ZNF157: variants seen among roughly 807,000 people sequenced by gnomAD.
The protein encoded by ZNF157 is zinc finger protein 22.
ZNF157 carries 8 observed loss-of-function variants against 9.4 expected under a neutral mutation model. The ratio of observed to expected loss-of-function variants is 0.85; its 90% confidence interval spans 0.50 to 1.53. The LOEUF (loss-of-function observed/expected upper bound fraction) is 1.53. Ranked by LOEUF, ZNF157 falls within the 40% of genes most tolerant of loss-of-function variation. The pLI is 0.00. For synonymous variants in ZNF157, 120 were observed against 130.8 expected, an observed-to-expected ratio of 0.92 and a Z score of 0.56; for missense variants, 316 against 385.2, an observed-to-expected ratio of 0.82 and a Z score of 1.50.
At chrX:47,384,945 C>T (rs2055875136) in intron 1 of ZNF157, among the ~76,000 whole-genome samples, 2 of 111,523 alleles carry the variant, frequency 1.8e-5, no homozygotes, top group African/African-American at 6.5e-5. Context: ...GCGGAATTAG[C>T]GGTTTTCACA....
chrX:47,397,171 T>G (rs1414447558), intron 1 of ZNF157, among the ~76,000 whole-genome samples: 1 of 109,834 alleles, frequency 9.1e-6, no homozygotes, highest in Non-Finnish European at 1.9e-5. Context: ...CTTTAAGGGG[T>G]CTTCTGTGTT....
intron 1 of ZNF157, among the ~76,000 whole-genome samples, chrX:47,381,888 G>T (rs1472296973): frequency 8.9e-6 from 1 of 111,831 alleles, no homozygotes; most frequent in African/African-American, 3.3e-5. Context: ...TCAGCGGAAA[G>T]AGTCAAATTC....
intron 1 of ZNF157, among the ~76,000 whole-genome samples, chrX:47,404,455 G>A (rs1219140016): frequency 9.1e-6 from 1 of 110,234 alleles, no homozygotes; most frequent in East Asian, 2.9e-4. Flanking sequence ...TTGAGCCACC[G>A]CACCTGGCAG....
At chrX:47,399,335 C>T (rs1161044434) in intron 1 of ZNF157, among the ~76,000 whole-genome samples, 2 of 111,533 alleles carry the variant, frequency 1.8e-5, no homozygotes, top group Non-Finnish European at 3.8e-5. Context: ...CAATCTATCT[C>T]ATTAGGCCCA....
intron 1 of ZNF157, among the ~76,000 whole-genome samples, chrX:47,382,907 C>T (rs1189367565): frequency 2.7e-5 from 3 of 110,720 alleles, no homozygotes; most frequent in Non-Finnish European, 5.7e-5. Flanking sequence ...TGTAAACTTA[C>T]AGCTGCAAAA....
At chrX:47,382,444 C>T (rs1273607992) in intron 1 of ZNF157, among the ~76,000 whole-genome samples, 1 of 106,847 alleles carries the variant, frequency 9.4e-6, no homozygotes, top group East Asian at 2.9e-4. Context: ...TTGTCTCGGA[C>T]TCCTGACCTC....
chrX:47,374,899 T>C lies in ZNF157; in HGVS notation c.72+4159T>C, dbSNP rs1174228569. 3.2e-5 allele frequency among the ~76,000 whole-genome samples: 3 copies of C among 92,334 alleles called. No homozygotes were observed. In the Admixed American group the frequency reaches 3.7e-4, roughly 11 times the overall value. The allele number at this position is 92,334 out of a possible 115,157, so 80.2% of individuals were successfully genotyped here. On this transcript the variant is annotated intron_variant, in intron 1 of 3. Coordinates refer to ENST00000377073, the MANE Select transcript of ZNF157 (RefSeq NM_003446.4). ...AATTTTTTTGTATTTTTAGTAGACATGGGGTTTCACCATGTTGGCCAGGTT... is the reference window on the plus strand; with the variant it reads ...AATTTTTTTGTATTTTTAGTAGACACGGGGTTTCACCATGTTGGCCAGGTT...
chrX:47,411,075 A>G (rs1483877847), intron 3 of ZNF157, among the ~76,000 whole-genome samples: 2 of 106,443 alleles, frequency 1.9e-5, no homozygotes, highest in Non-Finnish European at 1.9e-5. Context: ...CACAACCTCC[A>G]CCTCCCGGGC....
chrX:47,395,801 C>CA (rs2055911379), intron 1 of ZNF157, among the ~76,000 whole-genome samples: 1 of 110,168 alleles, frequency 9.1e-6, no homozygotes, highest in Non-Finnish European at 1.9e-5. Context: ...CCCATCTCTA[C>CA]AAAAAATGCA....
intron 1 of ZNF157, chrX:47,389,828 A>G (rs776728661): frequency 9.0e-6 from 1 of 111,417 alleles, no homozygotes; most frequent in Non-Finnish European, 1.9e-5. Flanking sequence ...TTGAGTCCAG[A>G]AGGTTGGGGC....
At chrX:47,388,509 G>A (rs140428205) in intron 1 of ZNF157, 2,155 of 110,175 alleles carry the variant, frequency 0.02, 43 homozygotes, top group Non-Finnish European at 0.033. Context: ...TAGAGACAGA[G>A]TCTCATTATG....
chrX:47,377,659 T>A (rs1352300968), intron 1 of ZNF157, among the ~76,000 whole-genome samples: 2 of 107,078 alleles, frequency 1.9e-5, no homozygotes, highest in Admixed American at 1.0e-4. Context: ...CTTGAACTCC[T>A]GGCCTCAAAT....
At position 47,413,647 on chromosome X, in the gene ZNF157, C is replaced by G. The variant is rs199636878; in HGVS notation, c.*53C>G. ...CCTTGGGGGCATATGATCACCAGGG[C>G]ACACAGTGTGCCTGTGAAAATTTGG... On this transcript the variant is annotated 3_prime_UTR_variant, in exon 4 of 4. Transcript: ENST00000377073. 2.8e-4 allele frequency: 315 copies of G among 1,143,589 alleles called. 4 individuals are homozygous for G. In the South Asian group the frequency reaches 5.5e-3, roughly 20 times the overall value. The allele number at this position is 1,143,589 out of a possible 1,213,427, so 94.2% of individuals were successfully genotyped here. A position where few individuals can be genotyped will look rare whatever the true frequency, so the allele number is the denominator to read the frequency against.
intron 1 of ZNF157, among the ~76,000 whole-genome samples, chrX:47,399,719 G>T (rs1053435204): frequency 9.0e-6 from 1 of 111,248 alleles, no homozygotes; most frequent in African/African-American, 3.3e-5. Flanking sequence ...TGGGTCTGTT[G>T]CCCAGGCTGC....
intron 1 of ZNF157, among the ~76,000 whole-genome samples, chrX:47,399,813 A>G (rs1173052936): frequency 9.1e-6 from 1 of 110,423 alleles, no homozygotes; most frequent in Non-Finnish European, 1.9e-5. Context: ...CTGAGCAGCT[A>G]GGTTTACAGG....
intron 1 of ZNF157, among the ~76,000 whole-genome samples, chrX:47,371,278 A>G (rs1174680115): frequency 9.2e-6 from 1 of 109,289 alleles, no homozygotes; most frequent in East Asian, 2.9e-4. Context: ...CGGAGGTTGC[A>G]GTAAGCCAAG....
In ZNF157 at chrX:47,410,261, A is replaced by G. The variant is rs1457853276; in HGVS notation, c.73-15A>G. Reference sequence around the variant, plus strand: ...TCATGCATCCCATTCTGATCATTGGAGATTGTTATTACAGGGGTCCGTGTC... The same window carrying G: ...TCATGCATCCCATTCTGATCATTGGGGATTGTTATTACAGGGGTCCGTGTC... On this transcript the variant is annotated splice_polypyrimidine_tract_variant and intron_variant, in intron 1 of 3. Coordinates refer to ENST00000377073, the MANE Select transcript of ZNF157 (RefSeq NM_003446.4). 1 of 1,208,636 alleles carries G rather than the reference A, an allele frequency of 8.3e-7. No individual in the cohort carries two copies. Among genetic ancestry groups the G allele is most frequent in the African/African-American group, 1.8e-5 (1 of 56,797 alleles).
Position 47,410,684 on chromosome X carries a change from C to G in ZNF157, c.204C>G (p.Leu68=), listed in dbSNP as rs1409150178. Residue 68 remains leucine, a synonymous_variant, in exon 3 of 4, where the codon CTC becomes CTG. Transcript: ENST00000377073. ...ETYSNLASVG[L]CVAKPEMIFK... The stretch of plus-strand genomic sequence containing the variant: ...TGTGCCATTTCCCATTAACAGGCCT[C>G]TGCGTGGCCAAACCAGAGATGATCT... 4 of 1,204,435 alleles carry G rather than the reference C, an allele frequency of 3.3e-6. No individual in the cohort carries two copies. Among genetic ancestry groups the G allele is most frequent in the Non-Finnish European group, 4.5e-6 (4 of 891,944 alleles).
chrX:47,394,549 C>T (rs765789673), intron 1 of ZNF157, among the ~76,000 whole-genome samples: 7 of 111,534 alleles, frequency 6.3e-5, no homozygotes, highest in Admixed American at 1.9e-4. Context: ...AAATAAATAC[C>T]GAAGTATTTG....
Sources: gnomAD v4.1 joint callset for allele counts (sites outside exome capture counted in the v4.1 genomes callset) on GRCh38, gnomAD v4.1.1 for gene constraint, MANE v1.5 for transcripts, NCBI Gene and HGNC (gene_info 2026-07-23, HGNC 2026-07-21) for gene names.